AKAP7: variants seen among roughly 807,000 people sequenced by gnomAD.
AKAP7 encodes A kinase (PRKA) anchor protein 7.
A neutral mutation model predicts 39.5 loss-of-function variants in AKAP7; 39 were observed. The ratio of observed to expected loss-of-function variants is 0.99; its 90% CI spans 0.76 to 1.29. AKAP7 has a LOEUF of 1.29. Ranked by LOEUF, AKAP7 falls within the 50% of genes most tolerant of loss-of-function variation. The pLI, the probability that AKAP7 is intolerant of heterozygous loss-of-function variation, is 0.00. For missense variants in AKAP7, 414 were observed against 407.7 expected, an observed-to-expected ratio of 1.02 and a Z score of -0.13; for synonymous variants, 140 against 139.1, an observed-to-expected ratio of 1.01 and a Z score of -0.05.
intron 6 of AKAP7, among the ~76,000 whole-genome samples, chr6:131,209,241 A>G (rs139553805): frequency 1.3e-5 from 2 of 152,056 alleles, no homozygotes; most frequent in African/African-American, 4.8e-5. Flanking sequence ...ATCTACAGAT[A>G]AGCATCTGAT....
upstream of AKAP7, among the ~76,000 whole-genome samples, chr6:131,133,500 G>A (rs957286540): frequency 1.3e-5 from 2 of 152,118 alleles, no homozygotes; most frequent in Non-Finnish European, 2.9e-5. Flanking sequence ...TTTCAGACTT[G>A]GGTAATTAAA....
At position 131,283,445 on chromosome 6, in the gene AKAP7, A is replaced by AT. The variant is rs1363289320; in HGVS notation, c.*1725dup. On this transcript the variant is annotated 3_prime_UTR_variant, in exon 8 of 8. Transcript: ENST00000431975. ...TCCAGTTTACTCATGGATTTTAGCT[A>AT]TTTTTTCACTGGGTAAATTATACTA... 3.3e-5 allele frequency: 5 copies of AT among 152,322 alleles called. No individual in the cohort carries two copies. The highest frequency in any genetic ancestry group is 9.7e-5 in the African/African-American group (4 of 41,446). 9.4% of individuals were successfully genotyped at this position (152,322 alleles called of 1,614,324 possible). A position where few individuals can be genotyped will look rare whatever the true frequency, so the allele number is the denominator to read the frequency against.
rs748153334 is a variant in AKAP7 at position 131,219,729 on chromosome 6, A to G, written c.771A>G (p.Leu257=). The G allele has an allele frequency of 2.5e-6, 4 of 1,598,450 alleles. No individual in the cohort carries two copies. Among genetic ancestry groups the G allele is most frequent in the South Asian group, 2.2e-5 (2 of 89,042 alleles). ...GTCACAGATTTGGAGAAGAAATATT[A>G]TATCGCATAGATCTTTGCTCCATGC... ...FISHRFGEEI[L]YRIDLCSMLK... The change falls in exon 7 of 8, where the codon TTA becomes TTG. Residue 257 remains leucine, a synonymous_variant. Coordinates refer to ENST00000431975, the MANE Select transcript of AKAP7 (RefSeq NM_016377.4).
At chr6:131,260,396 G>T (rs1813215710) in intron 7 of AKAP7, among the ~76,000 whole-genome samples, 1 of 152,156 alleles carries the variant, frequency 6.6e-6, no homozygotes. Context: ...TTCCACAGTG[G>T]TTGAACTAAT....
At chr6:131,179,449 C>T (rs1395950810) in intron 5 of AKAP7, among the ~76,000 whole-genome samples, 1 of 152,154 alleles carries the variant, frequency 6.6e-6, no homozygotes, top group Non-Finnish European at 1.5e-5. Flanking sequence ...GCTGAGATTA[C>T]AGGCGTGAGC....
chr6:131,282,298 A>G lies in AKAP7; in HGVS notation c.*572A>G, dbSNP rs187844714. On this transcript the variant is annotated 3_prime_UTR_variant, in exon 8 of 8. Coordinates refer to ENST00000431975, the MANE Select transcript of AKAP7 (RefSeq NM_016377.4). Reference sequence around the variant, plus strand: ...TTTTTGGTGAAATGCAACCTTTTCTATAAAATGTGGGCAACATTTTAAAGT... The same window carrying G: ...TTTTTGGTGAAATGCAACCTTTTCTGTAAAATGTGGGCAACATTTTAAAGT... 7 of 1,357,924 alleles carry G rather than the reference A, an allele frequency of 5.2e-6. No individual in the cohort carries two copies. The highest frequency in any genetic ancestry group is 3.4e-5 in the Admixed American group (1 of 29,676). The allele number at this position is 1,357,924 out of a possible 1,614,324, so 84.1% of individuals were successfully genotyped here. A position where few individuals can be genotyped will look rare whatever the true frequency, so the allele number is the denominator to read the frequency against.
chr6:131,278,828 G>T (rs900940115), intron 7 of AKAP7, among the ~76,000 whole-genome samples: 2 of 152,152 alleles, frequency 1.3e-5, no homozygotes, highest in Non-Finnish European at 2.9e-5. Flanking sequence ...TTTGGGTGGG[G>T]ACACAAATCC....
intron 2 of AKAP7, among the ~76,000 whole-genome samples, 177 bp downstream of exon 2, chr6:131,145,593 G>A (rs902836160): frequency 6.6e-6 from 1 of 151,840 alleles, no homozygotes; most frequent in Non-Finnish European, 1.5e-5. Context: ...CTGTCATCTA[G>A]GCTGGAGTGG....
chr6:131,251,720 C>A (rs1010888024), intron 7 of AKAP7, among the ~76,000 whole-genome samples: 1 of 152,178 alleles, frequency 6.6e-6, no homozygotes, highest in Non-Finnish European at 1.5e-5. Context: ...CAATAAGCTG[C>A]GCTCTAAATT....
At chr6:131,186,949 G>C (rs1173176305) in intron 5 of AKAP7, among the ~76,000 whole-genome samples, 1 of 152,038 alleles carries the variant, frequency 6.6e-6, no homozygotes, top group African/African-American at 2.4e-5. Flanking sequence ...GTTTATTTTT[G>C]AGCTTTCTAT....
At chr6:131,242,496 A>G (rs967458944) in intron 7 of AKAP7, among the ~76,000 whole-genome samples, 5 of 149,684 alleles carry the variant, frequency 3.3e-5, no homozygotes, top group Admixed American at 6.7e-5. Context: ...TTTGCTATAT[A>G]TATAATTATA....
At chr6:131,252,486 A>G (rs1442100676) in intron 7 of AKAP7, among the ~76,000 whole-genome samples, 1 of 152,208 alleles carries the variant, frequency 6.6e-6, no homozygotes, top group East Asian at 1.9e-4. Flanking sequence ...CTCCCCATGG[A>G]AACACATATG....
chr6:131,234,644 T>G (rs900992372), intron 7 of AKAP7, among the ~76,000 whole-genome samples: 2 of 152,088 alleles, frequency 1.3e-5, no homozygotes, highest in Non-Finnish European at 2.9e-5. Context: ...ATTTGCTTTT[T>G]ATATGTACGC....
At chr6:131,157,956 T>A (rs905461620) in intron 2 of AKAP7, among the ~76,000 whole-genome samples, 6 of 152,226 alleles carry the variant, frequency 3.9e-5, no homozygotes, top group African/African-American at 1.4e-4. Context: ...TACCCCATTT[T>A]GTAGGTCTTA....
At chr6:131,197,692 G>A (rs571017113) in intron 5 of AKAP7, among the ~76,000 whole-genome samples, 2 of 152,254 alleles carry the variant, frequency 1.3e-5, no homozygotes, top group East Asian at 3.9e-4. Context: ...AGACATTGCA[G>A]TTTCCATCTG....
At position 131,282,426 on chromosome 6, in the gene AKAP7, T is replaced by G. The variant is rs1217723213; in HGVS notation, c.*700T>G. 4 of 1,516,958 alleles carry G rather than the reference T, an allele frequency of 2.6e-6. No homozygotes were observed. In the Admixed American group the frequency reaches 8.1e-5, roughly 31 times the overall value. The allele number at this position is 1,516,958 out of a possible 1,614,324, so 94.0% of individuals were successfully genotyped here. ...AAGAAACCTATTGGAATTCGAGACT[T>G]AATTAATGAAGCTTTGCATCGAGAA... On this transcript the variant is annotated 3_prime_UTR_variant, in exon 8 of 8. Transcript: ENST00000431975.
At chr6:131,241,633 A>ATACG (rs1811625475) in intron 7 of AKAP7, among the ~76,000 whole-genome samples, 2 of 78,816 alleles carry the variant, frequency 2.5e-5, no homozygotes, top group Non-Finnish European at 5.7e-5. Flanking sequence ...GTGTGTATAT[A>ATACG]TATATGACAG....
chr6:131,130,793 G>A (rs1281546074), upstream of AKAP7, among the ~76,000 whole-genome samples: 1 of 152,190 alleles, frequency 6.6e-6, no homozygotes, highest in Admixed American at 6.5e-5. Flanking sequence ...AGTTTTGCCA[G>A]ACACCACTTG....
the AKAP7 span, among the ~76,000 whole-genome samples, chr6:131,127,123 G>A: frequency 6.6e-6 from 1 of 152,048 alleles, no homozygotes; most frequent in Admixed American, 6.6e-5. Flanking sequence ...TCGGCTCACT[G>A]TAACCTCTGC....
Sources: gnomAD v4.1 joint callset for allele counts (sites outside exome capture counted in the v4.1 genomes callset) on GRCh38, gnomAD v4.1.1 for gene constraint, MANE v1.5 for transcripts, NCBI Gene and HGNC (gene_info 2026-07-23, HGNC 2026-07-21) for gene names.